Variants in GAB2 observed in about 807,000 individuals in gnomAD.
The protein encoded by GAB2 is GRB2-associated-binding protein 2.
Under a neutral mutation model 65.5 loss-of-function variants are expected in GAB2, and 26 were observed. The ratio of observed to expected loss-of-function variants is 0.40; its 90% CI spans 0.29 to 0.55. The LOEUF is 0.55. Among genes scored for constraint, GAB2 ranks in the 20% least tolerant of loss-of-function variants. The probability of loss-of-function intolerance (pLI) is 0.53; values close to 1 mark genes in which losing one functional copy is unlikely to be tolerated. For synonymous variants in GAB2, 321 were observed against 329.6 expected (o/e 0.97, Z 0.28); for missense variants, 884 against 875.8 (o/e 1.01, Z -0.12).
intron 1 of GAB2, among the ~76,000 whole-genome samples, chr11:78,282,309 ATT>A (rs144499552): frequency 1.4e-5 from 2 of 145,616 alleles, no homozygotes; most frequent in African/African-American, 2.5e-5. Flanking sequence ...GGCTGTGTGA[ATT>A]TTTTTTTTTT....
chr11:78,244,255 G>T (rs144504016), intron 3 of GAB2, among the ~76,000 whole-genome samples: 27 of 152,076 alleles, frequency 1.8e-4, no homozygotes, highest in Non-Finnish European at 3.2e-4. Context: ...GGCCAGGCAT[G>T]GTGGTACATG....
At chr11:78,374,068 C>CA (rs1336055280) in intron 1 of GAB2, among the ~76,000 whole-genome samples, 3 of 152,156 alleles carry the variant, frequency 2.0e-5, no homozygotes, top group Non-Finnish European at 2.9e-5. Flanking sequence ...AAGGATTTGA[C>CA]AAATCAGAGG....
chr11:78,248,563 C>G (rs918424408), intron 3 of GAB2, among the ~76,000 whole-genome samples: 2 of 152,200 alleles, frequency 1.3e-5, no homozygotes, highest in African/African-American at 2.4e-5. Context: ...AAGACCTCAC[C>G]TTATCTGCTC....
rs186377541 is a variant in GAB2 at position 78,342,496 on chromosome 11, C to A, written c.76-61595G>T. On this transcript the variant is annotated intron_variant, in intron 1 of 9. Transcript: ENST00000361507. ...ACATCTCGGCTCACTACAAGCTCCG[C>A]CTCCCGGTTTCACGCCATTCTTCTG... 2.1e-3 allele frequency among the ~76,000 whole-genome samples: 315 copies of A among 151,352 alleles called. 1 individual carries two copies. Among genetic ancestry groups the A allele is most frequent in the African/African-American group, 6.8e-3 (278 of 41,154 alleles).
chr11:78,374,694 T>C (rs1383093533), intron 1 of GAB2, among the ~76,000 whole-genome samples: 1 of 152,202 alleles, frequency 6.6e-6, no homozygotes. Flanking sequence ...ATTATATACA[T>C]TAAATTAAAA....
intron 1 of GAB2, among the ~76,000 whole-genome samples, chr11:78,379,042 G>A (rs556010528): frequency 3.3e-5 from 5 of 152,316 alleles, no homozygotes; most frequent in South Asian, 2.1e-4. Context: ...GAAAGGAGAT[G>A]AATTTAAGAG....
intron 2 of GAB2, among the ~76,000 whole-genome samples, chr11:78,256,928 C>G (rs114604134): frequency 6.6e-6 from 1 of 152,122 alleles, no homozygotes; most frequent in African/African-American, 2.4e-5. Context: ...TTTCTAGACT[C>G]CTGGCCTGAG....
intron 1 of GAB2, among the ~76,000 whole-genome samples, chr11:78,350,395 T>G (rs1049483842): frequency 3.3e-5 from 5 of 152,046 alleles, no homozygotes; most frequent in Non-Finnish European, 7.4e-5. Context: ...AGTGATCAGG[T>G]TTTTCAACTT....
intron 1 of GAB2, among the ~76,000 whole-genome samples, chr11:78,388,393 C>T (rs1176478662): frequency 1.3e-5 from 2 of 150,860 alleles, no homozygotes; most frequent in African/African-American, 4.9e-5. Flanking sequence ...GTGGCATGAT[C>T]ACACGTCACT....
At chr11:78,346,034 T>A (rs917956485) in intron 1 of GAB2, among the ~76,000 whole-genome samples, 1 of 152,208 alleles carries the variant, frequency 6.6e-6, no homozygotes, top group African/African-American at 2.4e-5. Context: ...CTGTTGCCCA[T>A]GAGATAAATT....
intron 1 of GAB2, among the ~76,000 whole-genome samples, chr11:78,401,471 A>C: frequency 6.7e-6 from 1 of 150,234 alleles, no homozygotes. Flanking sequence ...TCCATGTATT[A>C]AAGTTTTCTT....
chr11:78,385,574 A>C lies in GAB2; in HGVS notation c.75+32072T>G, dbSNP rs145996441. On this transcript the variant is annotated intron_variant, in intron 1 of 9. Coordinates refer to ENST00000361507, the MANE Select transcript of GAB2 (RefSeq NM_080491.3). The stretch of plus-strand genomic sequence containing the variant: ...CCTTTAAATGTCATGAATGTGGGAA[A>C]ATATTCATTCACAAATCCAACCTTA... Among the ~76,000 whole-genome samples, 317 of 152,342 alleles carry C rather than the reference A, an allele frequency of 2.1e-3. 1 individual carries two copies. The highest frequency in any genetic ancestry group is 6.7e-3 in the African/African-American group (280 of 41,584).
At chr11:78,323,573 G>A (rs1318818778) in intron 1 of GAB2, among the ~76,000 whole-genome samples, 1 of 151,778 alleles carries the variant, frequency 6.6e-6, no homozygotes, top group East Asian at 1.9e-4. Flanking sequence ...ACTTATATGT[G>A]GGAGCTAAAT....
intron 1 of GAB2, among the ~76,000 whole-genome samples, chr11:78,321,395 T>C (rs1306944117): frequency 6.6e-6 from 1 of 152,246 alleles, no homozygotes; most frequent in Non-Finnish European, 1.5e-5. Flanking sequence ...TATCACTTTA[T>C]GTTATACTTT....
chr11:78,369,655 A>T (rs1265047054), intron 1 of GAB2, among the ~76,000 whole-genome samples: 2 of 152,210 alleles, frequency 1.3e-5, no homozygotes, highest in African/African-American at 4.8e-5. Flanking sequence ...TATCTTACAT[A>T]CCAACAAGTT....
chr11:78,414,852 C>T (rs1025592849), intron 1 of GAB2, among the ~76,000 whole-genome samples: 6 of 152,144 alleles, frequency 3.9e-5, no homozygotes, highest in African/African-American at 1.2e-4. Context: ...TACACCTTCC[C>T]GTCTTTCCGA....
intron 1 of GAB2, among the ~76,000 whole-genome samples, chr11:78,348,424 A>T (rs1329820910): frequency 2.0e-5 from 3 of 152,230 alleles, no homozygotes; most frequent in African/African-American, 7.2e-5. Context: ...TTAAATGGGC[A>T]AAAGATTTGA....
At chr11:78,220,716 G>A (rs1864381638) in intron 8 of GAB2, among the ~76,000 whole-genome samples, 1 of 152,174 alleles carries the variant, frequency 6.6e-6, no homozygotes, top group Non-Finnish European at 1.5e-5. Context: ...CAGCTGTTGA[G>A]TGATGGGAAT....
intron 1 of GAB2, among the ~76,000 whole-genome samples, chr11:78,383,767 A>T (rs1406364904): frequency 6.6e-6 from 1 of 151,994 alleles, no homozygotes; most frequent in East Asian, 1.9e-4. Flanking sequence ...CAATTAATTA[A>T]ATGAATGGCC....
Sources: allele counts gnomAD v4.1 joint callset (sites outside exome capture counted in the v4.1 genomes callset), GRCh38; gene constraint gnomAD v4.1.1; transcripts MANE v1.5; gene names NCBI Gene and HGNC (gene_info 2026-07-23, HGNC 2026-07-21).